The following MACF1 variants were observed in gnomAD, a reference collection of about 807,000 sequenced individuals.
MACF1 encodes the protein microtubule actin crosslinking factor 1, also known as microtubule-actin cross-linking factor 1.
A neutral mutation model predicts 854.8 loss-of-function variants in MACF1; 193 were observed. The observed-to-expected ratio is 0.23, with a 90% confidence interval of 0.20 to 0.25. The LOEUF is 0.25. Ranked by LOEUF, MACF1 falls within the 10% of genes least tolerant of loss-of-function variation. MACF1 has a pLI of 1.00. For missense variants in MACF1, 7,722 were observed against 8,929.1 expected, an observed-to-expected ratio of 0.86 and a Z score of 5.45; for synonymous variants, 3,185 against 3,226.7, an observed-to-expected ratio of 0.99 and a Z score of 0.44.
At chr1:39,253,452 T>C (rs1287277378) in intron 4 of MACF1, among the ~76,000 whole-genome samples, 1 of 152,076 alleles carries the variant, frequency 6.6e-6, no homozygotes, top group East Asian at 1.9e-4. Flanking sequence ...ATTTTTTCAC[T>C]TGTTTCTTGA....
intron 2 of MACF1, among the ~76,000 whole-genome samples, chr1:39,239,153 C>T (rs967144437): frequency 1.3e-4 from 20 of 152,122 alleles, no homozygotes; most frequent in South Asian, 6.2e-4. Context: ...TGGTGGCTGG[C>T]GCCTATAATC....
chr1:39,464,909 C>CAAAA, intron 94 of MACF1, 186 bp from the exon 95 acceptor site: 1 of 454,048 alleles, frequency 2.2e-6, no homozygotes, highest in Middle Eastern at 6.0e-4. Context: ...GCGAGACTCT[C>CAAAA]AAAAAAAAAA....
rs541773221 is a variant in MACF1, at chr1:39,343,718, G to A, written c.10581+2765G>A. 7.2e-5 allele frequency among the ~76,000 whole-genome samples: 11 copies of A among 152,338 alleles called. No homozygotes were observed. In the East Asian group the frequency reaches 1.9e-3, roughly 27 times the overall value. On this transcript the variant is annotated intron_variant, in intron 40 of 100. Transcript: ENST00000564288. Reference sequence around the variant, plus strand: ...AGCAGTGGCAAATCCATGTGAGTCTGCAGCAGCTCGGTTCTTGCCTCCTCA... The same window carrying A: ...AGCAGTGGCAAATCCATGTGAGTCTACAGCAGCTCGGTTCTTGCCTCCTCA...
At position 39,315,561 on chromosome 1, in the gene MACF1, T is replaced by C; in HGVS notation, c.3319T>C (p.Ser1107Pro). ...QQLRSDLDAV[S>P]MKCDSFLHQS... ...ATTGAGGTCAGACTTGGATGCAGTT[T>C]CTATGAAATGTGACAGCTTTCTCCA... Residue 1107 changes from serine to proline, a missense_variant, in exon 27 of 101, where the codon TCT (serine) becomes CCT (proline). Around this residue, in one of 15 missense-constraint regions of MACF1, gnomAD observed 1,137 missense variants for 1,263.0 expected, o/e 0.90. Transcript: ENST00000564288. 6.2e-7 allele frequency: 1 copy of C among 1,614,162 alleles called. No homozygotes were observed. Among genetic ancestry groups the C allele is most frequent in the Non-Finnish European group, 8.5e-7 (1 of 1,180,016 alleles).
chr1:39,336,422 A>T lies in MACF1; in HGVS notation c.9834A>T (p.Gly3278=), dbSNP rs764967704. The change falls in exon 37 of 101, where the codon GGA becomes GGT. Residue 3278 remains glycine, a synonymous_variant. Transcript: ENST00000564288. The part of the protein sequence containing the change: ...GSFLPEKLFK[G]VSQKENTGQQ... The stretch of plus-strand genomic sequence containing the variant: ...TTCTTCCAGAGAAACTGTTCAAAGG[A>T]GTGTCTCAAAAAGAGAATACAGGGC... The T allele has an allele frequency of 6.2e-7, 1 of 1,614,024 alleles. No individual in the cohort carries two copies. The highest frequency in any genetic ancestry group is 8.5e-7 in the Non-Finnish European group (1 of 1,180,022).
At chr1:39,261,199 C>T (rs908589573) in intron 6 of MACF1, among the ~76,000 whole-genome samples, 3 of 152,152 alleles carry the variant, frequency 2.0e-5, no homozygotes, top group Admixed American at 2.0e-4. Flanking sequence ...GGTCTAGCTT[C>T]CATCTCTGCT....
chr1:39,132,490 A>G (rs1489792213), intron 2 of MACF1, among the ~76,000 whole-genome samples: 2 of 152,180 alleles, frequency 1.3e-5, no homozygotes, highest in Admixed American at 6.5e-5. Flanking sequence ...CCAACACTCC[A>G]TAACAGGATG....
Position 39,422,421 on chromosome 1 carries a change from G to A in MACF1, c.15864G>A (p.Gln5288=). ...QVDPLQMKLQ[Q]VNGLGQGLIQ... is the part of the protein sequence containing the mutation. ...ATCCTCTTCAGATGAAATTGCAGCA[G>A]GTGAATGGACTTGGCCAGGGATTAA... Residue 5288 remains glutamine, a synonymous_variant, in exon 59 of 101, where the codon CAG becomes CAA. Coordinates refer to ENST00000564288, the MANE Select transcript of MACF1 (RefSeq NM_001394062.1). 1 of 1,614,196 alleles carries A rather than the reference G, an allele frequency of 6.2e-7. No individual in the cohort carries two copies. Among genetic ancestry groups the A allele is most frequent in the Non-Finnish European group, 8.5e-7 (1 of 1,180,024 alleles).
chr1:39,267,053 G>C (rs917846190), intron 6 of MACF1, among the ~76,000 whole-genome samples: 8 of 152,102 alleles, frequency 5.3e-5, no homozygotes, highest in African/African-American at 1.9e-4. Context: ...AGAACAGTGG[G>C]GGAACTTCTT....
chr1:39,196,986 G>C (rs1257222608), intron 2 of MACF1, among the ~76,000 whole-genome samples: 1 of 152,142 alleles, frequency 6.6e-6, no homozygotes, highest in African/African-American at 2.4e-5. Context: ...TTGGGGCCCT[G>C]CCCGTTGGCT....
chr1:39,237,617 A>G (rs1344672967), intron 2 of MACF1, among the ~76,000 whole-genome samples: 2 of 152,176 alleles, frequency 1.3e-5, no homozygotes, highest in Non-Finnish European at 2.9e-5. Flanking sequence ...GACTTTGCCA[A>G]AACGATACAG....
chr1:39,424,120 TAGAG>T lies in MACF1; in HGVS notation c.16246_16249del (p.Glu5416LysfsTer82). 6.2e-7 allele frequency: 1 copy of T among 1,612,736 alleles called. No individual in the cohort carries two copies. On this transcript the variant is annotated frameshift_variant, in exon 61 of 101. Transcript: ENST00000564288. LOFTEE classifies it high-confidence loss of function. The stretch of plus-strand genomic sequence containing the variant: ...TAGCCCAGTCAGCAGAGCTGGCTGA[TAGAG>T]AGAAAATCACTGGACAGCTGGAGAG...
In MACF1 at chr1:39,287,279, A is replaced by G; in HGVS notation, c.1509-7A>G. Reference sequence around the variant, plus strand: ...ATCCTTTCCTTTTTTCTCTTCTTCCATTTCAGGGTCATGCGTCTTCAGGAT... The same window carrying G: ...ATCCTTTCCTTTTTTCTCTTCTTCCGTTTCAGGGTCATGCGTCTTCAGGAT... On this transcript the variant is annotated splice_polypyrimidine_tract_variant and splice_region_variant and intron_variant, in intron 14 of 100. Coordinates refer to ENST00000564288, the MANE Select transcript of MACF1 (RefSeq NM_001394062.1). The G allele has an allele frequency of 1.9e-6, 3 of 1,610,844 alleles. No homozygotes were observed. Among genetic ancestry groups the G allele is most frequent in the East Asian group, 4.5e-5 (2 of 44,816 alleles).
intron 15 of MACF1, among the ~76,000 whole-genome samples, chr1:39,290,928 G>A (rs1314406015): frequency 6.6e-6 from 1 of 151,334 alleles, no homozygotes; most frequent in Non-Finnish European, 1.5e-5. Context: ...GCCCACCTTG[G>A]CCTCCCAAAG....
At chr1:39,471,845 C>T (rs912172422) in intron 97 of MACF1, among the ~76,000 whole-genome samples, 1 of 151,748 alleles carries the variant, frequency 6.6e-6, no homozygotes. Context: ...GATTGTTATA[C>T]AGATAAAATT....
chr1:39,096,380 G>A lies in MACF1; in HGVS notation c.220+11942G>A, dbSNP rs79246650. Among the ~76,000 whole-genome samples the A allele has an allele frequency of 1.7e-4, 26 of 151,104 alleles. No homozygotes were observed. In the East Asian group the frequency reaches 3.7e-3, roughly 21 times the overall value. On this transcript the variant is annotated intron_variant, in intron 2 of 93. Coordinates refer to the MACF1 transcript ENST00000361689. ...AAGTTATGAGCCAGGAACTGTGAAC[G>A]AAAAAACCCATATATTGCAACCCCA... is the stretch of plus-strand genomic sequence containing the variant.
intron 47 of MACF1, among the ~76,000 whole-genome samples, chr1:39,359,696 C>T (rs564162652): frequency 1.3e-5 from 2 of 151,828 alleles, no homozygotes; most frequent in East Asian, 1.9e-4. Flanking sequence ...ACAGGCCGGG[C>T]GTGGTGGCTC....
chr1:39,288,079 G>T (rs1645682066), intron 15 of MACF1, among the ~76,000 whole-genome samples: 1 of 151,960 alleles, frequency 6.6e-6, no homozygotes, highest in Non-Finnish European at 1.5e-5. Flanking sequence ...CGATACATGA[G>T]ATATTTTGAT....
rs749881462 is a variant in MACF1, at chr1:39,332,099, C to T, written c.5511C>T (p.Ile1837=). 67 of 1,613,944 alleles carry T rather than the reference C, an allele frequency of 4.2e-5. No homozygotes were observed. The Admixed American group carries it at 4.8e-4, about 12-fold the overall frequency. Residue 1837 remains isoleucine, a synonymous_variant, in exon 37 of 101, where the codon ATC becomes ATT. Coordinates refer to ENST00000564288, the MANE Select transcript of MACF1 (RefSeq NM_001394062.1). ...GCAATGATCTAGTAGCTGCTAAGAT[C>T]GCCCTTGTGATTCTGGAGTCCCTCT... The part of the protein sequence containing the change: ...AVSNDLVAAK[I]ALVILESLWS...
Sources: gnomAD v4.1 joint callset for allele counts (sites outside exome capture counted in the v4.1 genomes callset) on GRCh38, gnomAD v4.1.1 for gene constraint, gnomAD v4.1.1 regional missense constraint, MANE v1.5 for transcripts, NCBI Gene and HGNC (gene_info 2026-07-23, HGNC 2026-07-21) for gene names.